SH2D4A: variants seen among roughly 807,000 people sequenced by gnomAD.
SH2D4A encodes SH2 domain containing 4A.
In SH2D4A, 70 loss-of-function variants were observed where a neutral mutation model predicts 64.7. That is an observed-to-expected ratio of 1.08 (90% CI 0.89 to 1.32). The LOEUF (loss-of-function observed/expected upper bound fraction) is 1.32. Ranked by LOEUF, SH2D4A falls within the 40% of genes most tolerant of loss-of-function variation. The probability of loss-of-function intolerance (pLI) is 0.00; values close to 1 mark genes in which losing one functional copy is unlikely to be tolerated. For missense variants in SH2D4A, 706 were observed against 540.1 expected (o/e 1.31, Z -3.04); for synonymous variants, 268 against 200.7 (o/e 1.34, Z -2.83).
intron 2 of SH2D4A, among the ~76,000 whole-genome samples, chr8:19,325,146 G>T (rs921422838): frequency 6.6e-6 from 1 of 152,070 alleles, no homozygotes; most frequent in Non-Finnish European, 1.5e-5. Flanking sequence ...TCTGTTCCCA[G>T]TCACCAAAAC....
At chr8:19,335,148 C>A (rs375067708) in intron 4 of SH2D4A, among the ~76,000 whole-genome samples, 1 of 151,864 alleles carries the variant, frequency 6.6e-6, no homozygotes, top group Non-Finnish European at 1.5e-5. Flanking sequence ...ATTAGCTGGG[C>A]GTGGTGGCGG....
Position 19,336,022 on chromosome 8 carries a change from G to C in SH2D4A, c.513+1165G>C, listed in dbSNP as rs1315673402. Among the ~76,000 whole-genome samples, 11 of 152,258 alleles carry C rather than the reference G, an allele frequency of 7.2e-5. 1 individual carries two copies. The highest frequency in any genetic ancestry group is 3.4e-3 in the Middle Eastern group (1 of 294). On this transcript the variant is annotated intron_variant, in intron 4 of 9. Coordinates refer to ENST00000265807, the MANE Select transcript of SH2D4A (RefSeq NM_022071.4). The stretch of plus-strand genomic sequence containing the variant: ...TCATATGGGAATACAGGTATCTCCT[G>C]CCTCCTCCTAGGACCTAGTGAGACT...
At chr8:19,394,349 G>A (rs114867865) in intron 9 of SH2D4A, among the ~76,000 whole-genome samples, 1,930 of 152,274 alleles carry the variant, frequency 0.013, 48 homozygotes, top group African/African-American at 0.045. Flanking sequence ...AGAATTCATA[G>A]GCCTTAAGTT....
chr8:19,392,058 G>A (rs1330631437), intron 8 of SH2D4A, among the ~76,000 whole-genome samples: 3 of 152,222 alleles, frequency 2.0e-5, no homozygotes, highest in East Asian at 3.9e-4. Flanking sequence ...GAGTTTTACA[G>A]CATTATCTAT....
intron 4 of SH2D4A, among the ~76,000 whole-genome samples, chr8:19,339,724 C>T (rs1271407133): frequency 1.3e-5 from 2 of 152,074 alleles, no homozygotes; most frequent in African/African-American, 4.8e-5. Flanking sequence ...TGGTCTTAAA[C>T]TCCTGGCCTC....
intron 8 of SH2D4A, among the ~76,000 whole-genome samples, chr8:19,387,486 C>T (rs1020000874): frequency 1.5e-4 from 23 of 152,346 alleles, no homozygotes; most frequent in East Asian, 1.9e-4. Flanking sequence ...GTGATCCTCC[C>T]GCGTCAGCCT....
At chr8:19,353,021 A>G (rs2052732290) in intron 4 of SH2D4A, among the ~76,000 whole-genome samples, 1 of 152,102 alleles carries the variant, frequency 6.6e-6, no homozygotes, top group Non-Finnish European at 1.5e-5. Context: ...GAACAAAAAC[A>G]CAATGACCAA....
In SH2D4A at chr8:19,364,103, A is replaced by C. The variant is rs1000253901; in HGVS notation, c.738A>C (p.Arg246Ser). 1 of 1,613,832 alleles carries C rather than the reference A, an allele frequency of 6.2e-7. No homozygotes were observed. The highest frequency in any genetic ancestry group is 1.3e-5 in the African/African-American group (1 of 74,902). ...LRKSKAADEK[R>S]RSLAKQARED... ...AATCCAAAGCAGCTGATGAGAAGAG[A>C]CGCTCCTTGGCTAAACAAGCACGAG... Residue 246 changes from arginine (R) to serine (S), a missense_variant, in exon 7 of 10, where the codon AGA becomes AGC. Arg to Ser is a moderately radical substitution (Grantham distance 110). Coordinates refer to ENST00000265807, the MANE Select transcript of SH2D4A (RefSeq NM_022071.4).
At chr8:19,325,087 G>T (rs1366231618) in intron 2 of SH2D4A, among the ~76,000 whole-genome samples, 1 of 152,036 alleles carries the variant, frequency 6.6e-6, no homozygotes, top group Non-Finnish European at 1.5e-5. Flanking sequence ...ACTCCCTCCG[G>T]CGTCTGCTGG....
At chr8:19,332,842 GAT>G (rs3042985) in intron 2 of SH2D4A, 111 bp from the exon 3 acceptor site, 18,992 of 773,168 alleles carry the variant, frequency 0.025, 3 homozygotes, top group South Asian at 0.042. Context: ...TGTCTCATCT[GAT>G]ATATATATAT....
At chr8:19,332,849 A>G in intron 2 of SH2D4A, 106 bp from the exon 3 acceptor site, 1 of 995,818 alleles carries the variant, frequency 1.0e-6, no homozygotes, top group South Asian at 1.7e-5. Context: ...TCTGATATAT[A>G]TATATATATT....
intron 4 of SH2D4A, among the ~76,000 whole-genome samples, chr8:19,346,799 T>C (rs1346497217): frequency 2.0e-5 from 3 of 152,168 alleles, no homozygotes; most frequent in African/African-American, 7.2e-5. Flanking sequence ...GCAGCAACAA[T>C]TGCCTCCTGA....
intron 6 of SH2D4A, among the ~76,000 whole-genome samples, chr8:19,363,360 A>G (rs139498327): frequency 6.0e-4 from 91 of 152,210 alleles, no homozygotes; most frequent in African/African-American, 2.2e-3. Flanking sequence ...TACAGGTATG[A>G]GCCACTGTGC....
chr8:19,344,845 A>AG (rs2117239886), intron 4 of SH2D4A, among the ~76,000 whole-genome samples: 1 of 152,302 alleles, frequency 6.6e-6, no homozygotes, highest in South Asian at 2.1e-4. Context: ...CCTCCCAGCA[A>AG]GGTCTGGGTC....
chr8:19,388,732 G>C (rs1257112879), intron 8 of SH2D4A, among the ~76,000 whole-genome samples: 2 of 152,188 alleles, frequency 1.3e-5, no homozygotes, highest in Admixed American at 1.3e-4. Flanking sequence ...TTAGAATAGA[G>C]GCAGTGGCTG....
At chr8:19,389,787 T>TC (rs2153652331) in intron 8 of SH2D4A, among the ~76,000 whole-genome samples, 1 of 152,230 alleles carries the variant, frequency 6.6e-6, no homozygotes, top group East Asian at 1.9e-4. Context: ...GTGCTTGCAG[T>TC]CCCAGGTACC....
chr8:19,379,141 G>A (rs1162637845), intron 8 of SH2D4A, among the ~76,000 whole-genome samples: 1 of 150,816 alleles, frequency 6.6e-6, no homozygotes, highest in East Asian at 1.9e-4. Context: ...ATTTCACCTT[G>A]TAAAACTGAA....
chr8:19,340,990 A>G (rs114363973), intron 4 of SH2D4A, among the ~76,000 whole-genome samples: 2 of 152,156 alleles, frequency 1.3e-5, no homozygotes, highest in African/African-American at 4.8e-5. Context: ...AAACAATACA[A>G]TACCATTTCT....
intron 2 of SH2D4A, 97 bp from the exon 3 acceptor site, chr8:19,332,858 T>TA: frequency 1.3e-5 from 16 of 1,189,832 alleles, no homozygotes; most frequent in Non-Finnish European, 1.8e-5. Flanking sequence ...TATATATATA[T>TA]TTTCAAAGAC....
Sources: allele counts gnomAD v4.1 joint callset (sites outside exome capture counted in the v4.1 genomes callset), GRCh38; gene constraint gnomAD v4.1.1; transcripts MANE v1.5; gene names NCBI Gene and HGNC (gene_info 2026-07-23, HGNC 2026-07-21).